The following ZNF443 variants were observed in gnomAD, a reference collection of about 807,000 sequenced individuals.
ZNF443 encodes the protein Kruppel-type zinc finger (C2H2).
ZNF443 carries 3 observed loss-of-function variants against 12.0 expected under a neutral mutation model. The observed-to-expected ratio is 0.25, with a 90% CI of 0.11 to 0.64. The LOEUF (loss-of-function observed/expected upper bound fraction) is 0.64, where lower values mean the gene tolerates loss of function less well. Among genes scored for constraint, ZNF443 ranks in the 30% least tolerant of loss-of-function variants. The probability of loss-of-function intolerance (pLI) is 0.84; values close to 1 mark genes in which losing one functional copy is unlikely to be tolerated. For missense variants in ZNF443, 770 were observed against 808.8 expected, an observed-to-expected ratio of 0.95 and a Z score of 0.58; for synonymous variants, 225 against 265.9, an observed-to-expected ratio of 0.85 and a Z score of 1.50.
At position 12,430,508 on chromosome 19, in the gene ZNF443, G is replaced by A; in HGVS notation, c.1664C>T (p.Ser555Phe). Residue 555 changes from serine (S) to phenylalanine (F), a missense_variant, in exon 4 of 4, where the codon TCT becomes TTT. Coordinates refer to ENST00000301547, the MANE Select transcript of ZNF443 (RefSeq NM_005815.5). ...DNLKVHERIH[S>F]GEKPYECKEC... is the part of the protein sequence containing the mutation. ...CTTACATTCATACGGCTTCTCTCCA[G>A]AGTGAATTCTTTCATGTACCTTTAA... 2 of 1,614,138 alleles carry A rather than the reference G, an allele frequency of 1.2e-6. No individual in the cohort carries two copies. The highest frequency in any genetic ancestry group is 1.7e-6 in the Non-Finnish European group (2 of 1,179,990).
chr19:12,438,964 T>A lies in ZNF443; in HGVS notation c.3+1948A>T, dbSNP rs184157185. 3.7e-3 allele frequency among the ~76,000 whole-genome samples: 566 copies of A among 152,340 alleles called. 4 individuals carry two copies. Among genetic ancestry groups the A allele is most frequent in the Non-Finnish European group, 4.8e-3 (328 of 68,032 alleles). ...AAAGAGTAAACATATCTTTTCAAGC[T>A]AACAAACTCAGGAATCAGCAGTGCT... On this transcript the variant is annotated intron_variant, in intron 1 of 3. Transcript: ENST00000301547.
At position 12,431,005 on chromosome 19, in the gene ZNF443, T is replaced by G; in HGVS notation, c.1167A>C (p.Gly389=). Residue 389 remains glycine, a synonymous_variant, in exon 4 of 4, where the codon GGA becomes GGC. Transcript: ENST00000301547. Reference sequence around the variant, plus strand: ...ACTGCTTGCATTCATAGGGTTTCTCTCCAGTGTGAGTTCTTTCATGACTTT... The same window carrying G: ...ACTGCTTGCATTCATAGGGTTTCTCGCCAGTGTGAGTTCTTTCATGACTTT... ...SLQSHERTHT[G]EKPYECKQCG... is the part of the protein sequence containing the mutation. The G allele has an allele frequency of 6.2e-7, 1 of 1,613,980 alleles. No homozygotes were observed. Among genetic ancestry groups the G allele is most frequent in the Non-Finnish European group, 8.5e-7 (1 of 1,179,904 alleles).
rs1372167466 is a variant in ZNF443, at chr19:12,431,624, T to C, written c.548A>G (p.Asn183Ser). 1.2e-6 allele frequency: 2 copies of C among 1,614,042 alleles called. No homozygotes were observed. The highest frequency in any genetic ancestry group is 2.7e-5 in the African/African-American group (2 of 74,922). Residue 183 changes from asparagine (N) to serine (S), a missense_variant, in exon 4 of 4, where the codon AAC (asparagine) becomes AGC (serine). Around this residue, in one of 3 missense-constraint regions of ZNF443, gnomAD observed 736 missense variants for 689.4 expected, o/e 1.07. Transcript: ENST00000301547. ...ECGKSFSSLGNLQRHMAVQRG... is the reference protein window; with the variant it reads ...ECGKSFSSLGSLQRHMAVQRG... ...CTGCACTGCCATGTGTCTTTGAAGG[T>C]TTCCCAAAGAACTGAAGGACTTCCC...
Position 12,431,409 on chromosome 19 carries a change from A to C in ZNF443, c.763T>G (p.Cys255Gly), listed in dbSNP as rs775535242. 3.1e-6 allele frequency: 5 copies of C among 1,614,000 alleles called. No homozygotes were observed. Among genetic ancestry groups the C allele is most frequent in the Non-Finnish European group, 3.4e-6 (4 of 1,179,992 alleles). Residue 255 changes from cysteine (C) to glycine (G), a missense_variant, in exon 4 of 4, where the codon TGT (cysteine) becomes GGT (glycine). Cys to Gly is a radical substitution (Grantham distance 159). Around this residue, in one of 3 missense-constraint regions of ZNF443, gnomAD observed 736 missense variants for 689.4 expected, o/e 1.07. Transcript: ENST00000301547. ...GGAAAGGCTTTAGAACACTGTTTAC[A>C]TTCATACGGTTTCTCCCCAGTATGT... ...RTHTGEKPYE[C>G]KQCSKAFPFY...
intron 1 of ZNF443, among the ~76,000 whole-genome samples, chr19:12,435,216 T>C (rs1414280373): frequency 6.6e-6 from 1 of 152,130 alleles, no homozygotes; most frequent in East Asian, 1.9e-4. Context: ...CCTCAAATGA[T>C]CCGCCTGCCT....
chr19:12,439,602 T>C (rs1278563861), intron 1 of ZNF443, among the ~76,000 whole-genome samples: 1 of 152,114 alleles, frequency 6.6e-6, no homozygotes, highest in Non-Finnish European at 1.5e-5. Context: ...TCATCCCACC[T>C]CAGCCTCAGG....
intron 1 of ZNF443, among the ~76,000 whole-genome samples, chr19:12,439,541 C>T (rs1970344679): frequency 2.0e-5 from 3 of 152,010 alleles, no homozygotes; most frequent in African/African-American, 7.2e-5. Flanking sequence ...GGCTGGGATG[C>T]AGAGGCACGA....
chr19:12,437,389 T>C (rs923571280), intron 1 of ZNF443, among the ~76,000 whole-genome samples: 1 of 140,994 alleles, frequency 7.1e-6, no homozygotes, highest in African/African-American at 2.7e-5. Context: ...GCCTAGGTGA[T>C]AGAGCAAGAA....
chr19:12,432,437 A>T lies in ZNF443; in HGVS notation c.131T>A (p.Val44Glu), dbSNP rs62114866. The T allele has an allele frequency of 1.6e-6, 2 of 1,287,942 alleles. No individual in the cohort carries two copies. The highest frequency in any genetic ancestry group is 2.7e-5 in the East Asian group (1 of 37,650). The allele number at this position is 1,287,942 out of a possible 1,614,324, so 79.8% of individuals were successfully genotyped here. The change falls in exon 3 of 4, where the codon GTA becomes GAA. Residue 44 changes from valine to glutamate, a missense_variant and splice_region_variant. By Grantham distance (121) the Val-to-Glu change is moderately radical (BLOSUM62 -2). Coordinates refer to ENST00000301547, the MANE Select transcript of ZNF443 (RefSeq NM_005815.5). ...QETIRNLDCV[V>E]MKWKDQNIED... ...AATGTTCTGGTCTTTCCATTTCATT[A>T]CTAAAAGGTATACACAGAAAAATCA...
chr19:12,431,968 T>C lies in ZNF443; in HGVS notation c.204A>G (p.Leu68=). 6.4e-7 allele frequency: 1 copy of C among 1,569,848 alleles called. No individual in the cohort carries two copies. The highest frequency in any genetic ancestry group is 8.6e-7 in the Non-Finnish European group (1 of 1,159,030). ...YPRKNLRCRM[L]ERFVESKDGT... is the part of the protein sequence containing the mutation. ...CATCTTTACTTTCAACAAATCTCTC[T>C]AACATACGACATCTGTAAAAAATGG... The change falls in exon 4 of 4, where the codon TTA becomes TTG. Residue 68 remains leucine, a synonymous_variant. Transcript: ENST00000301547.
chr19:12,434,674 G>A (rs530684199), intron 1 of ZNF443, among the ~76,000 whole-genome samples: 29 of 151,836 alleles, frequency 1.9e-4, no homozygotes, highest in Admixed American at 5.2e-4. Flanking sequence ...TATAATATTT[G>A]GCTCCCCATA....
intron 1 of ZNF443, among the ~76,000 whole-genome samples, chr19:12,439,621 C>G (rs1028307030): frequency 6.6e-6 from 1 of 152,040 alleles, no homozygotes; most frequent in Admixed American, 6.5e-5. Flanking sequence ...GGAGTAGCTG[C>G]GACTACAGGT....
At chr19:12,436,997 G>A (rs62110702) in intron 1 of ZNF443, among the ~76,000 whole-genome samples, 47,559 of 148,552 alleles carry the variant, frequency 0.32, 8,010 homozygotes, top group South Asian at 0.46. Flanking sequence ...TGGGTTATAT[G>A]AGCATTACCC....
chr19:12,437,900 T>C (rs1400033135), intron 1 of ZNF443, among the ~76,000 whole-genome samples: 1 of 149,918 alleles, frequency 6.7e-6, no homozygotes, highest in Non-Finnish European at 1.5e-5. Flanking sequence ...AAGACCAGCC[T>C]GGCCAATATG....
Position 12,440,965 on chromosome 19 carries a change from TG to T in ZNF443, c.-52del. The T allele has an allele frequency of 6.2e-7, 1 of 1,613,874 alleles. No individual in the cohort carries two copies. Among genetic ancestry groups the T allele is most frequent in the Non-Finnish European group, 8.5e-7 (1 of 1,179,864 alleles). ...TCCTACCGACAGCTCCCGCTGCCAA[TG>T]CGTGTTCCAGCCAGACAAAGGCTGC... On this transcript the variant is annotated 5_prime_UTR_variant, in exon 1 of 4. Transcript: ENST00000301547.
chr19:12,430,802 G>T lies in ZNF443; in HGVS notation c.1370C>A (p.Ala457Asp). 6.2e-7 allele frequency: 1 copy of T among 1,614,076 alleles called. No individual in the cohort carries two copies. Among genetic ancestry groups the T allele is most frequent in the South Asian group, 1.1e-5 (1 of 91,080 alleles). ...KPYKCKQCGK[A>D]YRISSSLRRH... ...TCGAAGGGAACTGGAAATACGGTAGGCTTTGCCACATTGTTTACATTTATA... is the reference window on the plus strand; with the variant it reads ...TCGAAGGGAACTGGAAATACGGTAGTCTTTGCCACATTGTTTACATTTATA... The change falls in exon 4 of 4, where the codon GCC (alanine) becomes GAC (aspartate). Residue 457 changes from alanine (A) to aspartate (D), a missense_variant. Transcript: ENST00000301547.
At chr19:12,437,228 C>G (rs2035831128) in intron 1 of ZNF443, among the ~76,000 whole-genome samples, 1 of 147,630 alleles carries the variant, frequency 6.8e-6, no homozygotes, top group Non-Finnish European at 1.5e-5. Flanking sequence ...CTCTACGAAA[C>G]GTGTAAAAAA....
Position 12,431,184 on chromosome 19 carries a change from T to G in ZNF443, c.988A>C (p.Thr330Pro), listed in dbSNP as rs765523967. The G allele has an allele frequency of 8.1e-6, 13 of 1,613,930 alleles. No homozygotes were observed. Among genetic ancestry groups the G allele is most frequent in the Non-Finnish European group, 8.5e-7 (1 of 1,179,952 alleles). ...VSGSLQRHET[T>P]HSAEKPYACQ... Reference sequence around the variant, plus strand: ...GCATAGGGTTTCTCTGCACTGTGAGTGGTTTCATGTCTTTGAAGGGAACCG... The same window carrying G: ...GCATAGGGTTTCTCTGCACTGTGAGGGGTTTCATGTCTTTGAAGGGAACCG... The change falls in exon 4 of 4, where the codon ACT (threonine) becomes CCT (proline). Residue 330 changes from threonine (T) to proline (P), a missense_variant. This residue lies in a region of ZNF443 where 736 missense variants were observed against 689.4 expected (regional missense o/e 1.07). Coordinates refer to ENST00000301547, the MANE Select transcript of ZNF443 (RefSeq NM_005815.5).
rs372341777 is a variant in ZNF443, at chr19:12,430,328, G to A, written c.1844C>T (p.Pro615Leu). 35 of 1,613,334 alleles carry A rather than the reference G, an allele frequency of 2.2e-5. 1 individual carries two copies. In the South Asian group the frequency reaches 2.5e-4, roughly 12 times the overall value. Residue 615 changes from proline (P) to leucine (L), a missense_variant, in exon 4 of 4, where the codon CCG (proline) becomes CTG (leucine). Pro to Leu is a moderately conservative substitution (Grantham distance 98). This residue lies in a region of ZNF443 where 736 missense variants were observed against 689.4 expected (regional missense o/e 1.07). Coordinates refer to ENST00000301547, the MANE Select transcript of ZNF443 (RefSeq NM_005815.5). ...TTTCCCACATTCCTTACATTCATAC[G>A]GGTTCTCTCCAGTATGAGTTTTTTC... is the stretch of plus-strand genomic sequence containing the variant. ...GHEKTHTGEN[P>L]YECKECGKAF...
Sources: allele counts gnomAD v4.1 joint callset (sites outside exome capture counted in the v4.1 genomes callset), GRCh38; gene constraint gnomAD v4.1.1; regional missense constraint gnomAD v4.1.1; transcripts MANE v1.5; gene names NCBI Gene and HGNC (gene_info 2026-07-23, HGNC 2026-07-21).